The following EBF1 variants were observed in gnomAD, a reference collection of about 807,000 sequenced individuals.
The protein encoded by EBF1 is transcription factor COE1.
Under a neutral mutation model 68.4 loss-of-function variants are expected in EBF1, and 10 were observed. That is an observed-to-expected ratio of 0.15 (90% CI 0.09 to 0.25). EBF1 has a LOEUF of 0.25. EBF1 is among the 10% of genes least tolerant of loss of function. EBF1 has a pLI of 1.00. For synonymous variants in EBF1, 298 were observed against 299.8 expected, an observed-to-expected ratio of 0.99 and a Z score of 0.06; for missense variants, 509 against 794.4, an observed-to-expected ratio of 0.64 and a Z score of 4.32.
intron 11 of EBF1, among the ~76,000 whole-genome samples, chr5:158,716,711 A>C (rs1289868735): frequency 6.6e-6 from 1 of 152,190 alleles, no homozygotes; most frequent in Admixed American, 6.5e-5. Context: ...GATTTCGGTG[A>C]CCAGAAAATT....
chr5:158,752,376 A>T (rs536294840), intron 10 of EBF1, among the ~76,000 whole-genome samples: 108 of 151,632 alleles, frequency 7.1e-4, no homozygotes, highest in Non-Finnish European at 1.2e-3. Context: ...ATCTTCAAGG[A>T]TCCATTTCTT....
At chr5:158,779,396 A>T (rs1404523503) in intron 9 of EBF1, among the ~76,000 whole-genome samples, 1 of 152,186 alleles carries the variant, frequency 6.6e-6, no homozygotes, top group Non-Finnish European at 1.5e-5. Flanking sequence ...AATTGTTCAT[A>T]TAGAAGCTTT....
intron 4 of EBF1, 96 bp from the exon 5 acceptor site, chr5:159,084,835 G>A (rs1192429297): frequency 9.3e-7 from 1 of 1,070,520 alleles, no homozygotes; most frequent in Middle Eastern, 2.2e-4. Flanking sequence ...CACCACTACT[G>A]AAGGCCAAAT....
intron 10 of EBF1, among the ~76,000 whole-genome samples, chr5:158,745,121 C>G (rs1359726872): frequency 6.6e-6 from 1 of 152,104 alleles, no homozygotes; most frequent in Non-Finnish European, 1.5e-5. Context: ...TGGTCCCCAG[C>G]GTCTTACAAT....
intron 6 of EBF1, among the ~76,000 whole-genome samples, chr5:158,978,834 AC>A (rs1757335486): frequency 1.4e-5 from 2 of 143,724 alleles, no homozygotes; most frequent in African/African-American, 2.8e-5. Context: ...ACACACACAC[AC>A]AGAGAGAGAG....
chr5:159,030,396 G>T (rs1584088375), intron 6 of EBF1, among the ~76,000 whole-genome samples: 1 of 152,016 alleles, frequency 6.6e-6, no homozygotes, highest in African/African-American at 2.4e-5. Context: ...AAAGGAGCTG[G>T]CATAAAAGAA....
chr5:158,947,132 G>T (rs181548627), intron 6 of EBF1, among the ~76,000 whole-genome samples: 448 of 152,308 alleles, frequency 2.9e-3, no homozygotes, highest in Non-Finnish European at 5.5e-3. Flanking sequence ...CTCCATGGGG[G>T]TGGGATCCAC....
intron 5 of EBF1, among the ~76,000 whole-genome samples, chr5:159,075,438 T>C (rs1287812441): frequency 6.6e-6 from 1 of 152,164 alleles, no homozygotes; most frequent in African/African-American, 2.4e-5. Context: ...TTCTCCTTCA[T>C]TTTCCTTTTC....
chr5:158,817,521 A>G (rs938042793), intron 8 of EBF1, among the ~76,000 whole-genome samples: 2 of 152,124 alleles, frequency 1.3e-5, no homozygotes, highest in Non-Finnish European at 2.9e-5. Flanking sequence ...AGCCCTCACC[A>G]GTGCTGGCAT....
chr5:158,901,958 G>A (rs1803456396), intron 6 of EBF1, among the ~76,000 whole-genome samples: 1 of 152,128 alleles, frequency 6.6e-6, no homozygotes, highest in South Asian at 2.1e-4. Context: ...GGGTTTGGTG[G>A]CATGCACCTG....
chr5:159,008,010 G>T (rs750347587), intron 6 of EBF1, among the ~76,000 whole-genome samples: 7 of 152,308 alleles, frequency 4.6e-5, no homozygotes, highest in Non-Finnish European at 8.8e-5. Context: ...ATTTAATCAT[G>T]ATGTGGGAGA....
At chr5:159,019,104 G>C (rs898822923) in intron 6 of EBF1, 1 of 152,104 alleles carries the variant, frequency 6.6e-6, no homozygotes, top group Non-Finnish European at 1.5e-5. Flanking sequence ...AAGTTCAGAA[G>C]ACACCCAAAC....
chr5:158,823,298 A>G lies in EBF1; in HGVS notation c.656T>C (p.Val219Ala). The stretch of plus-strand genomic sequence containing the variant: ...TGCCAGGACATGGCCATCCACATTG[A>G]CTGTCGTAGACACCACGACCTGGAG... ...RRFQVVVSTT[V>A]NVDGHVLAVS... Residue 219 changes from valine (V) to alanine (A), a missense_variant, in exon 8 of 16, where the codon GTC (valine) becomes GCC (alanine). By Grantham distance (64) the Val-to-Ala change is moderately conservative. Coordinates refer to ENST00000313708, the MANE Select transcript of EBF1 (RefSeq NM_024007.5). 6.2e-7 allele frequency: 1 copy of G among 1,612,696 alleles called. No homozygotes were observed. Among genetic ancestry groups the G allele is most frequent in the Non-Finnish European group, 8.5e-7 (1 of 1,179,308 alleles).
intron 6 of EBF1, among the ~76,000 whole-genome samples, chr5:158,950,862 T>C (rs1815809345): frequency 6.6e-6 from 1 of 152,114 alleles, no homozygotes; most frequent in South Asian, 2.1e-4. Flanking sequence ...GCAGGTGAGG[T>C]ATTCAAATGA....
At chr5:158,843,494 GCTGGC>G (rs1010638405) in intron 6 of EBF1, among the ~76,000 whole-genome samples, 69 of 152,320 alleles carry the variant, frequency 4.5e-4, no homozygotes, top group African/African-American at 1.6e-3. Flanking sequence ...GTTACCCTAA[GCTGGC>G]CTGTCACTTG....
At chr5:158,924,317 CTCAT>C (rs1253466852) in intron 6 of EBF1, among the ~76,000 whole-genome samples, 1 of 152,202 alleles carries the variant, frequency 6.6e-6, no homozygotes, top group Non-Finnish European at 1.5e-5. Context: ...ACGCAATTCC[CTCAT>C]GTCTCTGTAA....
chr5:158,775,998 C>T (rs17056207), intron 10 of EBF1, among the ~76,000 whole-genome samples: 16,667 of 152,122 alleles, frequency 0.11, 1,101 homozygotes, highest in African/African-American at 0.17. Context: ...CTCTACGCTT[C>T]GTTTGTATAC....
chr5:159,087,601 GAAA>G (rs1168767545), intron 4 of EBF1, among the ~76,000 whole-genome samples: 3 of 151,936 alleles, frequency 2.0e-5, no homozygotes, highest in South Asian at 2.1e-4. Context: ...TGGTTCCATT[GAAA>G]TTAGTGGGCC....
intron 10 of EBF1, among the ~76,000 whole-genome samples, chr5:158,774,193 T>G (rs1384851144): frequency 6.6e-6 from 1 of 152,076 alleles, no homozygotes; most frequent in Non-Finnish European, 1.5e-5. Context: ...TCCTCGTGCG[T>G]CTCTGGTCTG....
Sources: allele counts gnomAD v4.1 joint callset (sites outside exome capture counted in the v4.1 genomes callset), GRCh38; gene constraint gnomAD v4.1.1; transcripts MANE v1.5; gene names NCBI Gene and HGNC (gene_info 2026-07-23, HGNC 2026-07-21).